The following HMGCLL1 variants were observed in gnomAD, a reference collection of about 807,000 sequenced individuals.
HMGCLL1 encodes the protein 3-hydroxy-3-methylglutaryl-CoA lyase like 1.
A neutral mutation model predicts 39.1 loss-of-function variants in HMGCLL1; 36 were observed. The observed-to-expected ratio is 0.92, with a 90% CI of 0.71 to 1.22. HMGCLL1 has a LOEUF of 1.22. HMGCLL1 is among the 50% of genes most tolerant of loss of function. The pLI is 0.00. For missense variants in HMGCLL1, 451 were observed against 416.5 expected (o/e 1.08, Z -0.72); for synonymous variants, 149 against 144.0 (o/e 1.03, Z -0.25).
At chr6:55,670,361 G>T in the HMGCLL1 span, among the ~76,000 whole-genome samples, 1 of 151,466 alleles carries the variant, frequency 6.6e-6, no homozygotes, top group Non-Finnish European at 1.5e-5. Context: ...TTAAAAAAAA[G>T]TACTTCAGAC....
chr6:55,641,927 C>G, the HMGCLL1 span, among the ~76,000 whole-genome samples: 1 of 121,804 alleles, frequency 8.2e-6, no homozygotes, highest in Non-Finnish European at 1.7e-5. Context: ...TTTTATTATA[C>G]TTTAAGTTTT....
At chr6:55,587,809 G>A in the HMGCLL1 span, among the ~76,000 whole-genome samples, 1 of 152,138 alleles carries the variant, frequency 6.6e-6, no homozygotes, top group African/African-American at 2.4e-5. Context: ...GACAAAGAAG[G>A]CCATCACATA....
intron 6 of HMGCLL1, among the ~76,000 whole-genome samples, chr6:55,498,108 T>C (rs747503189): frequency 5.3e-5 from 8 of 152,210 alleles, no homozygotes; most frequent in Non-Finnish European, 8.8e-5. Context: ...GAAATGGAGA[T>C]CCTCACCCAA....
intron 7 of HMGCLL1, among the ~76,000 whole-genome samples, chr6:55,494,547 T>C (rs941093834): frequency 1.3e-5 from 2 of 152,204 alleles, no homozygotes; most frequent in African/African-American, 4.8e-5. Context: ...TGTACACATA[T>C]GTTACAAAGT....
chr6:55,574,222 A>C (rs1771655555), intron 1 of HMGCLL1, among the ~76,000 whole-genome samples: 1 of 152,040 alleles, frequency 6.6e-6, no homozygotes, highest in Admixed American at 6.6e-5. Context: ...GAAAATATTG[A>C]AACAAATACT....
At chr6:55,516,635 T>C in intron 3 of HMGCLL1, 32 bp from the exon 4 acceptor site, 1 of 1,351,094 alleles carries the variant, frequency 7.4e-7, no homozygotes, top group Non-Finnish European at 1.0e-6. Flanking sequence ...TGTAAATGTG[T>C]AACTTCGAAT....
intron 3 of HMGCLL1, among the ~76,000 whole-genome samples, chr6:55,541,213 G>A (rs1769414944): frequency 6.6e-6 from 1 of 152,070 alleles, no homozygotes; most frequent in Non-Finnish European, 1.5e-5. Flanking sequence ...CATCTTTCAA[G>A]GCAAAATTCT....
At chr6:55,457,042 C>G (rs150869057) in intron 7 of HMGCLL1, among the ~76,000 whole-genome samples, 1 of 152,068 alleles carries the variant, frequency 6.6e-6, no homozygotes, top group East Asian at 1.9e-4. Context: ...CTTTTTTGTC[C>G]GATGTTCAGT....
intron 4 of HMGCLL1, among the ~76,000 whole-genome samples, chr6:55,515,326 A>T (rs1767680257): frequency 6.6e-6 from 1 of 152,096 alleles, no homozygotes; most frequent in African/African-American, 2.4e-5. Flanking sequence ...AACATTTAAA[A>T]AATATTGGCT....
the HMGCLL1 span, among the ~76,000 whole-genome samples, chr6:55,601,045 G>A: frequency 6.6e-6 from 1 of 152,050 alleles, no homozygotes; most frequent in South Asian, 2.1e-4. Flanking sequence ...TTATGTCAAT[G>A]TAATATATCT....
chr6:55,578,334 A>T (rs2127480769), intron 1 of HMGCLL1, among the ~76,000 whole-genome samples: 1 of 152,300 alleles, frequency 6.6e-6, no homozygotes, highest in Middle Eastern at 3.4e-3. Flanking sequence ...ATTAAATCAT[A>T]AGTATATGAA....
chr6:55,658,515 A>C, the HMGCLL1 span, among the ~76,000 whole-genome samples: 1 of 151,942 alleles, frequency 6.6e-6, no homozygotes, highest in Admixed American at 6.6e-5. Context: ...ATTCCTCTGC[A>C]AACCCCATGG....
At chr6:55,591,459 T>A in the HMGCLL1 span, among the ~76,000 whole-genome samples, 1 of 151,986 alleles carries the variant, frequency 6.6e-6, no homozygotes, top group Non-Finnish European at 1.5e-5. Flanking sequence ...GGACTTCTCT[T>A]TTCGTAAATC....
chr6:55,634,400 G>C, the HMGCLL1 span, among the ~76,000 whole-genome samples: 48 of 151,704 alleles, frequency 3.2e-4, 3 homozygotes, highest in Admixed American at 3.2e-3. Context: ...GAATCCCTGA[G>C]TAAGCTTTTG....
At chr6:55,551,931 C>CA (rs1770349084) in intron 1 of HMGCLL1, among the ~76,000 whole-genome samples, 1 of 152,010 alleles carries the variant, frequency 6.6e-6, no homozygotes, top group Non-Finnish European at 1.5e-5. Context: ...GTGCTATATT[C>CA]ATTCACCTAT....
intron 7 of HMGCLL1, among the ~76,000 whole-genome samples, chr6:55,469,644 T>C (rs993539442): frequency 2.0e-5 from 3 of 151,420 alleles, no homozygotes; most frequent in Non-Finnish European, 4.4e-5. Flanking sequence ...AGAGAATAAA[T>C]GACTTGCTAC....
At chr6:55,559,345 G>A (rs1770824610) in intron 1 of HMGCLL1, among the ~76,000 whole-genome samples, 1 of 152,068 alleles carries the variant, frequency 6.6e-6, no homozygotes, top group African/African-American at 2.4e-5. Flanking sequence ...CTAGAGATTT[G>A]ACCAGAAGGT....
intron 7 of HMGCLL1, among the ~76,000 whole-genome samples, 173 bp downstream of exon 7, chr6:55,495,246 A>C (rs1199659883): frequency 1.3e-5 from 2 of 152,248 alleles, no homozygotes; most frequent in Non-Finnish European, 1.5e-5. Flanking sequence ...TTGCCCTAAA[A>C]AAATGTGAAA....
chr6:55,597,203 T>TA, the HMGCLL1 span, among the ~76,000 whole-genome samples: 1 of 152,114 alleles, frequency 6.6e-6, no homozygotes, highest in African/African-American at 2.4e-5. Flanking sequence ...TGGCTTCCAT[T>TA]ACAAACATCA....
Sources: gnomAD v4.1 joint callset for allele counts (sites outside exome capture counted in the v4.1 genomes callset) on GRCh38, gnomAD v4.1.1 for gene constraint, MANE v1.5 for transcripts, NCBI Gene and HGNC (gene_info 2026-07-23, HGNC 2026-07-21) for gene names.